RNF152: variants seen among roughly 807,000 people sequenced by gnomAD.
RNF152 encodes the protein E3 ubiquitin-protein ligase RNF152.
A neutral mutation model predicts 12.7 loss-of-function variants in RNF152; 11 were observed. That is an observed-to-expected ratio of 0.86 (90% CI 0.54 to 1.43). The LOEUF (loss-of-function observed/expected upper bound fraction) is 1.43, where lower values mean the gene tolerates loss of function less well. Ranked by LOEUF, RNF152 falls within the 40% of genes most tolerant of loss-of-function variation. The pLI, the probability that RNF152 is intolerant of heterozygous loss-of-function variation, is 0.00. For synonymous variants in RNF152, 113 were observed against 120.3 expected, an observed-to-expected ratio of 0.94 and a Z score of 0.40; for missense variants, 255 against 274.8, an observed-to-expected ratio of 0.93 and a Z score of 0.51.
chr18:61,875,604 T>C (rs187161055), intron 1 of RNF152, among the ~76,000 whole-genome samples: 5 of 152,336 alleles, frequency 3.3e-5, no homozygotes, highest in Admixed American at 6.5e-5. Context: ...GTCCACTCAA[T>C]GCTGCTTCTA....
chr18:61,879,526 G>A (rs1396747085), intron 1 of RNF152, among the ~76,000 whole-genome samples: 1 of 152,080 alleles, frequency 6.6e-6, no homozygotes, highest in Non-Finnish European at 1.5e-5. Context: ...TTTTGCGGGA[G>A]GGCAGAGAGG....
chr18:61,845,871 G>T (rs965543219), intron 1 of RNF152, among the ~76,000 whole-genome samples: 2 of 151,326 alleles, frequency 1.3e-5, no homozygotes, highest in Admixed American at 6.6e-5. Flanking sequence ...AAATGCATAT[G>T]TTGAAACCTA....
intron 1 of RNF152, among the ~76,000 whole-genome samples, chr18:61,858,576 C>T (rs1273251728): frequency 6.6e-6 from 1 of 152,148 alleles, no homozygotes; most frequent in Non-Finnish European, 1.5e-5. Context: ...TCTACTGCAG[C>T]CCCTCCACTT....
Position 61,812,600 on chromosome 18 carries a change from A to G in RNF152, c.*3252T>C, listed in dbSNP as rs1908860278. 6.6e-6 allele frequency: 1 copy of G among 152,186 alleles called. No individual in the cohort carries two copies. The highest frequency in any genetic ancestry group is 6.5e-5 in the Admixed American group (1 of 15,272). 9.4% of individuals were successfully genotyped at this position (152,186 alleles called of 1,614,324 possible). A position where few individuals can be genotyped will look rare whatever the true frequency, so the allele number is the denominator to read the frequency against. On this transcript the variant is annotated 3_prime_UTR_variant, in exon 2 of 2. Coordinates refer to ENST00000312828, the MANE Select transcript of RNF152 (RefSeq NM_173557.3). ...ATTCTTGGCTCTACTTAACATATTA[A>G]GCATTCTCTTCCTTATTTCAAGATC...
chr18:61,876,121 C>T (rs1360595435), intron 1 of RNF152, among the ~76,000 whole-genome samples: 2 of 152,204 alleles, frequency 1.3e-5, no homozygotes, highest in Non-Finnish European at 1.5e-5. Flanking sequence ...CACTTACCCC[C>T]ATGCTGTCAC....
intron 1 of RNF152, among the ~76,000 whole-genome samples, chr18:61,817,396 A>T (rs937597697): frequency 6.6e-6 from 1 of 152,224 alleles, no homozygotes; most frequent in Non-Finnish European, 1.5e-5. Flanking sequence ...CGATTGACCC[A>T]TGAACAACAC....
chr18:61,879,868 G>A (rs577563440), intron 1 of RNF152, among the ~76,000 whole-genome samples: 10 of 152,060 alleles, frequency 6.6e-5, no homozygotes, highest in African/African-American at 2.2e-4. Flanking sequence ...AGGAGGCTGA[G>A]GCAGGAGAAT....
At chr18:61,883,107 T>C (rs2078876369) in intron 1 of RNF152, among the ~76,000 whole-genome samples, 1 of 151,750 alleles carries the variant, frequency 6.6e-6, no homozygotes, top group Non-Finnish European at 1.5e-5. Context: ...CCCAGAAGAG[T>C]GAGGCGCAGA....
rs1052460330 is a variant in RNF152 at position 61,809,121 on chromosome 18, C to G, written c.*6731G>C. On this transcript the variant is annotated 3_prime_UTR_variant, in exon 2 of 2. Transcript: ENST00000312828. ...CTATATGTCTTGTTTTGCAGCTATA[C>G]TCTTCCTTTATTAAGTATTTTCTCC... 2.6e-5 allele frequency: 4 copies of G among 152,172 alleles called. No homozygotes were observed. The highest frequency in any genetic ancestry group is 7.2e-5 in the African/African-American group (3 of 41,418). 9.4% of individuals were successfully genotyped at this position (152,172 alleles called of 1,614,324 possible).
Position 61,826,123 on chromosome 18 carries a change from T to G in RNF152, c.-135-9525A>C, listed in dbSNP as rs1369981226. Among the ~76,000 whole-genome samples the G allele has an allele frequency of 7.9e-5, 12 of 152,146 alleles. 1 individual carries two copies. The highest frequency in any genetic ancestry group is 6.5e-4 in the Admixed American group (10 of 15,274). ...AAGGCTATGTTCTGTGGGGACCCACTGGAAACCCCAGAGTTGGTATAAAGA... is the reference window on the plus strand; with the variant it reads ...AAGGCTATGTTCTGTGGGGACCCACGGGAAACCCCAGAGTTGGTATAAAGA... On this transcript the variant is annotated intron_variant, in intron 1 of 1. Coordinates refer to ENST00000312828, the MANE Select transcript of RNF152 (RefSeq NM_173557.3).
intron 1 of RNF152, among the ~76,000 whole-genome samples, chr18:61,821,774 A>G (rs1909427080): frequency 6.6e-6 from 1 of 152,216 alleles, no homozygotes; most frequent in Admixed American, 6.5e-5. Context: ...CGATGGCATT[A>G]GATTCTCATA....
chr18:61,878,454 C>A (rs909992747), intron 1 of RNF152, among the ~76,000 whole-genome samples: 1 of 152,222 alleles, frequency 6.6e-6, no homozygotes, highest in Admixed American at 6.5e-5. Context: ...ATACCCTAAG[C>A]AATCCCAACA....
chr18:61,881,027 T>C (rs1441335187), intron 1 of RNF152, among the ~76,000 whole-genome samples: 2 of 150,886 alleles, frequency 1.3e-5, no homozygotes, highest in African/African-American at 2.4e-5. Flanking sequence ...GATTCTCCCA[T>C]CTCAGCCTCC....
intron 1 of RNF152, among the ~76,000 whole-genome samples, chr18:61,873,137 T>C (rs986930789): frequency 6.6e-5 from 10 of 152,152 alleles, no homozygotes; most frequent in Non-Finnish European, 5.9e-5. Context: ...TGTCTGCCCA[T>C]CAAAAAATAC....
In RNF152 at chr18:61,865,296, G is replaced by C. The variant is rs78609664; in HGVS notation, c.-136+27499C>G. Among the ~76,000 whole-genome samples the C allele has an allele frequency of 1.1e-3, 167 of 152,056 alleles. 1 individual carries two copies. The East Asian group carries it at 0.031, about 28-fold the overall frequency. Reference sequence around the variant, plus strand: ...CAGCTTGAAAATATTAAACCCTACTGAAAAAATGTAAGGTTTCTTCTTCAG... The same window carrying C: ...CAGCTTGAAAATATTAAACCCTACTCAAAAAATGTAAGGTTTCTTCTTCAG... On this transcript the variant is annotated intron_variant, in intron 1 of 1. Transcript: ENST00000312828.
At chr18:61,829,597 GGA>G (rs111850940) in intron 1 of RNF152, among the ~76,000 whole-genome samples, 6 of 142,168 alleles carry the variant, frequency 4.2e-5, no homozygotes, top group Admixed American at 7.0e-5. Flanking sequence ...AGAGAGATAA[GGA>G]GAGAGAGAGA....
In RNF152 at chr18:61,810,008, A is replaced by C. The variant is rs1341213395; in HGVS notation, c.*5844T>G. ...AAAAATAAGGTATTTGGAAGAAATT[A>C]AATGCCCCACCTGCTTAAGTTCTTC... On this transcript the variant is annotated 3_prime_UTR_variant, in exon 2 of 2. Transcript: ENST00000312828. The C allele has an allele frequency of 6.6e-6, 1 of 152,228 alleles. No homozygotes were observed. Among genetic ancestry groups the C allele is most frequent in the African/African-American group, 2.4e-5 (1 of 41,452 alleles). The allele number at this position is 152,228 out of a possible 1,614,324, so 9.4% of individuals were successfully genotyped here.
At chr18:61,888,901 A>AG (rs1321721682) in intron 1 of RNF152, 1 of 152,270 alleles carries the variant, frequency 6.6e-6, no homozygotes, top group Non-Finnish European at 1.5e-5. Context: ...CTACCTGACC[A>AG]GCCGACTTGG....
intron 1 of RNF152, among the ~76,000 whole-genome samples, chr18:61,861,435 A>G (rs999237954): frequency 1.3e-5 from 2 of 152,224 alleles, no homozygotes; most frequent in Non-Finnish European, 2.9e-5. Flanking sequence ...TGTATAGCCT[A>G]TATGTGTACT....
Sources: gnomAD v4.1 joint callset for allele counts (sites outside exome capture counted in the v4.1 genomes callset) on GRCh38, gnomAD v4.1.1 for gene constraint, MANE v1.5 for transcripts, NCBI Gene and HGNC (gene_info 2026-07-23, HGNC 2026-07-21) for gene names.